Variants in BDKRB2 observed in about 807,000 individuals in gnomAD.
BDKRB2 encodes the protein bradykinin receptor B2.
BDKRB2 carries 6 observed loss-of-function variants against 4.0 expected under a neutral mutation model. The observed-to-expected ratio is 1.49, with a 90% CI of 0.81 to 2.93. The LOEUF is 2.93. Among genes scored for constraint, BDKRB2 ranks in the 30% most tolerant of loss-of-function variants. BDKRB2 has a pLI of 0.00. For synonymous variants in BDKRB2, 225 were observed against 215.3 expected (o/e 1.05, Z -0.40); for missense variants, 478 against 520.1 (o/e 0.92, Z 0.79).
chr14:96,220,097 G>A (rs2035217876), intron 1 of BDKRB2, among the ~76,000 whole-genome samples: 1 of 151,926 alleles, frequency 6.6e-6, no homozygotes, highest in Admixed American at 6.6e-5. Flanking sequence ...CCATTTACCA[G>A]CACCCCACTA....
chr14:96,232,180 G>A (rs549375018), intron 1 of BDKRB2, among the ~76,000 whole-genome samples: 1 of 152,314 alleles, frequency 6.6e-6, no homozygotes, highest in East Asian at 1.9e-4. Flanking sequence ...CATTGACCAC[G>A]TGCTCCATGC....
chr14:96,240,438 C>T lies in BDKRB2; in HGVS notation c.110C>T (p.Thr37Ile), dbSNP rs753563291. Residue 37 changes from threonine to isoleucine, a missense_variant, in exon 3 of 3, where the codon ACT becomes ATT. Coordinates refer to ENST00000554311, the MANE Select transcript of BDKRB2 (RefSeq NM_001379692.1). ...CTCAATGTCACCTTGCAAGGGCCCA[C>T]TCTTAACGGGACCTTTGCCCAGAGC... ...DMLNVTLQGP[T>I]LNGTFAQSKC... is the part of the protein sequence containing the mutation. 6.7e-7 allele frequency: 1 copy of T among 1,492,492 alleles called. No homozygotes were observed. The highest frequency in any genetic ancestry group is 1.4e-5 in the South Asian group (1 of 70,602). The allele number at this position is 1,492,492 out of a possible 1,614,324, so 92.5% of individuals were successfully genotyped here.
At position 96,240,540 on chromosome 14, in the gene BDKRB2, C is replaced by T; in HGVS notation, c.212C>T (p.Ala71Val). The change falls in exon 3 of 3, where the codon GCC becomes GTC. Residue 71 changes from alanine to valine, a missense_variant. By Grantham distance (64) the Ala-to-Val change is moderately conservative. Coordinates refer to ENST00000554311, the MANE Select transcript of BDKRB2 (RefSeq NM_001379692.1). ...TTCCTCTGGGTGCTGTTCGTGCTGG[C>T]CACCCTAGAGAACATCTTTGTCCTC... ...PPFLWVLFVL[A>V]TLENIFVLSV... is the part of the protein sequence containing the mutation. The T allele has an allele frequency of 8.8e-6, 14 of 1,582,268 alleles. No individual in the cohort carries two copies. The highest frequency in any genetic ancestry group is 1.2e-5 in the Non-Finnish European group (14 of 1,165,222).
At chr14:96,238,738 T>C in intron 2 of BDKRB2, 1 of 985,022 alleles carries the variant, frequency 1.0e-6, no homozygotes, top group Non-Finnish European at 1.2e-6. Context: ...AAATGCTTCT[T>C]ATCCTTCAAG....
At chr14:96,221,560 A>G (rs1890561747) in intron 1 of BDKRB2, among the ~76,000 whole-genome samples, 1 of 152,094 alleles carries the variant, frequency 6.6e-6, no homozygotes, top group Non-Finnish European at 1.5e-5. Context: ...AGACACCCGG[A>G]GGACAGAGTT....
chr14:96,231,557 A>C (rs529965257), intron 1 of BDKRB2, among the ~76,000 whole-genome samples: 1 of 152,156 alleles, frequency 6.6e-6, no homozygotes, highest in Non-Finnish European at 1.5e-5. Context: ...TAAAAACAGC[A>C]TCCAGACTCA....
chr14:96,239,715 A>T, intron 2 of BDKRB2: 1 of 947,396 alleles, frequency 1.1e-6, no homozygotes, highest in Non-Finnish European at 1.3e-6. Flanking sequence ...TTGTGGTTCA[A>T]GGACGTTAAG....
intron 1 of BDKRB2, among the ~76,000 whole-genome samples, chr14:96,236,367 C>T (rs560560336): frequency 2.0e-5 from 3 of 152,206 alleles, no homozygotes; most frequent in East Asian, 1.9e-4. Context: ...AGAACCTCCC[C>T]TTTAACAGTT....
At chr14:96,228,646 G>T (rs571763438) in intron 1 of BDKRB2, among the ~76,000 whole-genome samples, 2 of 152,304 alleles carry the variant, frequency 1.3e-5, no homozygotes, top group African/African-American at 2.4e-5. Context: ...GGGGGGCATG[G>T]TGGGCCAGGG....
At position 96,240,834 on chromosome 14, in the gene BDKRB2, G is replaced by A. The variant is rs141412276; in HGVS notation, c.506G>A (p.Arg169His). The A allele has an allele frequency of 8.3e-6, 13 of 1,559,242 alleles. No individual in the cohort carries two copies. The highest frequency in any genetic ancestry group is 4.5e-5 in the East Asian group (2 of 44,544). ...LVKTMSMGRMRGVRWAKLYSL... is the reference protein window; with the variant it reads ...LVKTMSMGRMHGVRWAKLYSL... ...AAAACCATGTCCATGGGCCGGATGC[G>A]CGGCGTGCGCTGGGCCAAGCTCTAC... The change falls in exon 3 of 3, where the codon CGC becomes CAC. Residue 169 changes from arginine to histidine, a missense_variant. Transcript: ENST00000554311.
chr14:96,236,914 C>CA (rs1351772862), intron 1 of BDKRB2, among the ~76,000 whole-genome samples, 155 bp from the exon 2 acceptor site: 5 of 152,194 alleles, frequency 3.3e-5, no homozygotes, highest in African/African-American at 9.7e-5. Context: ...AGCTCCTAGC[C>CA]ATTGTATCCC....
chr14:96,218,599 C>T lies in BDKRB2; in HGVS notation c.-40+13640C>T, dbSNP rs945220855. 2.0e-5 allele frequency among the ~76,000 whole-genome samples: 3 copies of T among 152,136 alleles called. 1 individual carries two copies. The highest frequency in any genetic ancestry group is 7.2e-5 in the African/African-American group (3 of 41,390). ...CCACTGACTCGCTGAGGCTGGGTTT[C>T]CCCATCTGCAAAATAAGGACATAAA... On this transcript the variant is annotated intron_variant, in intron 1 of 2. Coordinates refer to ENST00000554311, the MANE Select transcript of BDKRB2 (RefSeq NM_001379692.1).
At chr14:96,222,173 A>C (rs951701005) in intron 1 of BDKRB2, among the ~76,000 whole-genome samples, 1 of 151,890 alleles carries the variant, frequency 6.6e-6, no homozygotes, top group South Asian at 2.1e-4. Context: ...AAAAGACACC[A>C]CTCAGCCACA....
intron 1 of BDKRB2, among the ~76,000 whole-genome samples, chr14:96,220,585 G>A (rs1360253872): frequency 1.3e-5 from 2 of 152,104 alleles, no homozygotes; most frequent in East Asian, 1.9e-4. Flanking sequence ...GTACCAACAT[G>A]AGACTCCGAG....
At chr14:96,220,602 CT>C (rs1890535840) in intron 1 of BDKRB2, among the ~76,000 whole-genome samples, 1 of 151,928 alleles carries the variant, frequency 6.6e-6, no homozygotes, top group African/African-American at 2.4e-5. Context: ...CGAGGGCCAC[CT>C]CCTCTGCCCC....
At chr14:96,223,393 T>G (rs1231856517) in intron 1 of BDKRB2, 2 of 767,714 alleles carry the variant, frequency 2.6e-6, no homozygotes, top group East Asian at 5.0e-5. Context: ...CAGCTGTCCT[T>G]ACTTCCTAAC....
At chr14:96,232,638 G>A (rs1417314319) in intron 1 of BDKRB2, among the ~76,000 whole-genome samples, 1 of 152,210 alleles carries the variant, frequency 6.6e-6, no homozygotes, top group African/African-American at 2.4e-5. Context: ...GGTAGATTCG[G>A]GGACCAGCCA....
Position 96,241,276 on chromosome 14 carries a change from C to T in BDKRB2, c.948C>T (p.Ile316=), listed in dbSNP as rs200594489. ...DERIIDVITQ[I]ASFMAYSNSC... ...GCATCATCGATGTAATCACACAGAT[C>T]GCCTCCTTCATGGCCTACAGCAACA... Residue 316 remains isoleucine (I), a synonymous_variant, in exon 3 of 3, where the codon ATC becomes ATT. Coordinates refer to ENST00000554311, the MANE Select transcript of BDKRB2 (RefSeq NM_001379692.1). 48 of 1,613,860 alleles carry T rather than the reference C, an allele frequency of 3.0e-5. No homozygotes were observed. The highest frequency in any genetic ancestry group is 3.6e-5 in the Non-Finnish European group (43 of 1,179,904).
intron 1 of BDKRB2, among the ~76,000 whole-genome samples, chr14:96,232,928 C>A (rs2139791353): frequency 6.6e-6 from 1 of 152,132 alleles, no homozygotes; most frequent in Non-Finnish European, 1.5e-5. Context: ...GGCCCTGAAA[C>A]AAAAAACAGA....
Sources: gnomAD v4.1 joint callset for allele counts (sites outside exome capture counted in the v4.1 genomes callset) on GRCh38, gnomAD v4.1.1 for gene constraint, MANE v1.5 for transcripts, NCBI Gene and HGNC (gene_info 2026-07-23, HGNC 2026-07-21) for gene names.